Variants in NLRP3 observed in about 807,000 individuals in gnomAD.
The protein encoded by NLRP3 is NLR family pyrin domain containing 3.
Under a neutral mutation model 91.3 loss-of-function variants are expected in NLRP3, and 48 were observed. The observed-to-expected ratio is 0.53, with a 90% confidence interval of 0.42 to 0.67. The LOEUF is 0.67. NLRP3 is among the 30% of genes least tolerant of loss of function. The probability of loss-of-function intolerance (pLI) is 0.00; values close to 1 mark genes in which losing one functional copy is unlikely to be tolerated. For synonymous variants in NLRP3, 561 were observed against 507.9 expected (o/e 1.10, Z -1.41); for missense variants, 982 against 1,276.9 (o/e 0.77, Z 3.52).
chr1:247,437,052 G>A (rs933844895), intron 7 of NLRP3, among the ~76,000 whole-genome samples: 7 of 152,214 alleles, frequency 4.6e-5, no homozygotes, highest in Non-Finnish European at 8.8e-5. Flanking sequence ...GTAGACAAAC[G>A]TCTGTGACCT....
chr1:247,424,741 C>T lies in NLRP3; in HGVS notation c.1292C>T (p.Ala431Val). The change falls in exon 4 of 10, where the codon GCC becomes GTC. Residue 431 changes from alanine to valine, a missense_variant. Around this residue, in one of 5 missense-constraint regions of NLRP3, gnomAD observed 548 missense variants for 713.7 expected, o/e 0.77. Transcript: ENST00000336119. The surrounding 1 kb of genome is among the most constrained non-coding windows in gnomAD (Gnocchi z 8.1). ...CAGATGGAGAGTGGCAAGAGCCTTGCCCAGACATCCAAGACCACCACCGCG... is the reference window on the plus strand; with the variant it reads ...CAGATGGAGAGTGGCAAGAGCCTTGTCCAGACATCCAAGACCACCACCGCG... ...KQQMESGKSLAQTSKTTTAVY... is the reference protein window; with the variant it reads ...KQQMESGKSLVQTSKTTTAVY... 6.2e-7 allele frequency: 1 copy of T among 1,613,766 alleles called. No individual in the cohort carries two copies. The highest frequency in any genetic ancestry group is 8.5e-7 in the Non-Finnish European group (1 of 1,180,032).
At chr1:247,429,411 A>G (rs1663146119) in intron 4 of NLRP3, among the ~76,000 whole-genome samples, 174 bp from the exon 5 acceptor site, 1 of 152,108 alleles carries the variant, frequency 6.6e-6, no homozygotes, top group Non-Finnish European at 1.5e-5. Context: ...TGCTTTTACC[A>G]AGGCTCATCC....
chr1:247,429,797 A>G lies in NLRP3; in HGVS notation c.2321+42A>G, dbSNP rs116154079. The G allele has an allele frequency of 1.4e-3, 2,259 of 1,605,014 alleles. 30 individuals are homozygous for G. In the African/African-American group the frequency reaches 0.027, roughly 19 times the overall value. ...GTGATCTGTGTGAGTGCAAGTTCAT[A>G]TGAGAGAGAGAGAGAGAAACAGACT... On this transcript the variant is annotated intron_variant, in intron 5 of 9. Coordinates refer to ENST00000336119, the MANE Select transcript of NLRP3 (RefSeq NM_001243133.2).
Position 247,444,793 on chromosome 1 carries a change from C to T in NLRP3, c.2977C>T (p.Gln993Ter). 1 of 1,614,040 alleles carries T rather than the reference C, an allele frequency of 6.2e-7. No individual in the cohort carries two copies. The highest frequency in any genetic ancestry group is 8.5e-7 in the Non-Finnish European group (1 of 1,179,996). Reference sequence around the variant, plus strand: ...CATGATGTTCTGTGAAGTGCTGAAACAGCAGAGCTGCCTCCTGCAGAACCT... The same window carrying T: ...CATGATGTTCTGTGAAGTGCTGAAATAGCAGAGCTGCCTCCTGCAGAACCT... ...GVMMFCEVLKQQSCLLQNLGL... is the reference protein window; with the variant it reads ...GVMMFCEVLK The change falls in exon 9 of 10, where the codon CAG becomes TAG. Residue 993 changes from glutamine to a stop codon, truncating the protein, a stop_gained. Coordinates refer to ENST00000336119, the MANE Select transcript of NLRP3 (RefSeq NM_001243133.2). LOFTEE classifies it low-confidence loss of function (END_TRUNC).
chr1:247,418,830 G>A lies in NLRP3; in HGVS notation c.30G>A (p.Arg10=). MASTRCKLA[R]YLEDLEDVDL... is the part of the protein sequence containing the mutation. ...CAAGCACCCGCTGCAAGCTGGCCAG[G>A]TACCTGGAGGACCTGGAGGATGTGG... is the stretch of plus-strand genomic sequence containing the variant. The change falls in exon 2 of 10, where the codon AGG becomes AGA. Residue 10 remains arginine, a synonymous_variant. Coordinates refer to ENST00000336119, the MANE Select transcript of NLRP3 (RefSeq NM_001243133.2). The A allele has an allele frequency of 6.2e-7, 1 of 1,614,110 alleles. No homozygotes were observed. Among genetic ancestry groups the A allele is most frequent in the South Asian group, 1.1e-5 (1 of 91,082 alleles).
At position 247,429,596 on chromosome 1, in the gene NLRP3, G is replaced by A. The variant is rs1381740580; in HGVS notation, c.2162G>A (p.Ser721Asn). ...HAACSHGLVN[S>N]HLTSSFCRGL... Reference sequence around the variant, plus strand: ...CTTCTAATTCCTAGATTGGTGAACAGCCACCTCACTTCCAGTTTTTGCCGG... The same window carrying A: ...CTTCTAATTCCTAGATTGGTGAACAACCACCTCACTTCCAGTTTTTGCCGG... The change falls in exon 5 of 10, where the codon AGC (serine) becomes AAC (asparagine). Residue 721 changes from serine (S) to asparagine (N), a missense_variant. This residue lies in a region of NLRP3 where 373 missense variants were observed against 431.5 expected (regional missense o/e 0.86). Transcript: ENST00000336119. 1 of 1,614,064 alleles carries A rather than the reference G, an allele frequency of 6.2e-7. No individual in the cohort carries two copies. Among genetic ancestry groups the A allele is most frequent in the African/African-American group, 1.3e-5 (1 of 74,924 alleles).
chr1:247,446,604 C>T (rs74154647), intron 9 of NLRP3, among the ~76,000 whole-genome samples: 4,694 of 152,276 alleles, frequency 0.031, 268 homozygotes, highest in African/African-American at 0.11. Context: ...GCATTATTCC[C>T]TGTACCTTCC....
At chr1:247,434,353 C>A in intron 6 of NLRP3, 80 bp downstream of exon 6, 1 of 1,497,100 alleles carries the variant, frequency 6.7e-7, no homozygotes, top group Non-Finnish European at 9.2e-7. Context: ...GCCCGGTGGG[C>A]TGGGGTTTGA....
Position 247,444,908 on chromosome 1 carries a change from C to A in NLRP3, c.3005+87C>A, listed in dbSNP as rs950775743. 9.9e-6 allele frequency: 14 copies of A among 1,409,730 alleles called. No homozygotes were observed. In the African/African-American group the frequency reaches 1.4e-4, roughly 14 times the overall value. 87.3% of individuals were successfully genotyped at this position (1,409,730 alleles called of 1,614,324 possible). ...TTATCAAAATCCAGGATGGCTCTCG[C>A]TTCATTTGCAGCCACTCAAGATTAG... On this transcript the variant is annotated intron_variant, in intron 9 of 9. Transcript: ENST00000336119.
At chr1:247,447,938 C>T (rs1664694021) in intron 9 of NLRP3, among the ~76,000 whole-genome samples, 1 of 151,624 alleles carries the variant, frequency 6.6e-6, no homozygotes, top group South Asian at 2.1e-4. Context: ...ATTTTCTATA[C>T]TTTTATGTAT....
chr1:247,429,869 T>C, intron 5 of NLRP3, 114 bp downstream of exon 5: 1 of 1,364,414 alleles, frequency 7.3e-7, no homozygotes. Flanking sequence ...TTCTTTCTTT[T>C]CTTTTTCTTT....
intron 7 of NLRP3, among the ~76,000 whole-genome samples, chr1:247,441,758 A>G (rs1211222115): frequency 1.3e-5 from 2 of 152,186 alleles, no homozygotes; most frequent in South Asian, 2.1e-4. Context: ...TGTTCAGTGT[A>G]ACCGTTGCTT....
In NLRP3 at chr1:247,418,711, T is replaced by C. The variant is rs200937726; in HGVS notation, c.-90T>C. The C allele has an allele frequency of 2.0e-6, 3 of 1,509,788 alleles. No homozygotes were observed. In the South Asian group the frequency reaches 3.4e-5, roughly 17 times the overall value. The allele number at this position is 1,509,788 out of a possible 1,614,324, so 93.5% of individuals were successfully genotyped here. A position where few individuals can be genotyped will look rare whatever the true frequency, so the allele number is the denominator to read the frequency against. On this transcript the variant is annotated 5_prime_UTR_variant, in exon 2 of 10. Coordinates refer to ENST00000336119, the MANE Select transcript of NLRP3 (RefSeq NM_001243133.2). ...TTTATATCTCTCAAAGTGGAGACTT[T>C]AAAAAAGACTCATCCGTGTGCCGTG...
At chr1:247,432,629 G>T (rs1192045944) in intron 5 of NLRP3, among the ~76,000 whole-genome samples, 1 of 152,150 alleles carries the variant, frequency 6.6e-6, no homozygotes, top group African/African-American at 2.4e-5. Flanking sequence ...ACACAAACAG[G>T]GAAGGGTAGG....
chr1:247,437,607 TC>T (rs1663887441), intron 7 of NLRP3, among the ~76,000 whole-genome samples: 1 of 152,252 alleles, frequency 6.6e-6, no homozygotes, highest in Non-Finnish European at 1.5e-5. Flanking sequence ...CATGATTTTG[TC>T]CCTTCATTTT....
intron 2 of NLRP3, among the ~76,000 whole-genome samples, chr1:247,420,068 C>A (rs1227897730): frequency 6.6e-6 from 1 of 152,152 alleles, no homozygotes; most frequent in Non-Finnish European, 1.5e-5. Flanking sequence ...CCTAAGAACA[C>A]GTTATTTTTA....
At position 247,429,800 on chromosome 1, in the gene NLRP3, A is replaced by T. The variant is rs1267845916; in HGVS notation, c.2321+45A>T. On this transcript the variant is annotated intron_variant, in intron 5 of 9. Coordinates refer to ENST00000336119, the MANE Select transcript of NLRP3 (RefSeq NM_001243133.2). Reference sequence around the variant, plus strand: ...ATCTGTGTGAGTGCAAGTTCATATGAGAGAGAGAGAGAGAAACAGACTGGA... The same window carrying T: ...ATCTGTGTGAGTGCAAGTTCATATGTGAGAGAGAGAGAGAAACAGACTGGA... 4 of 1,302,234 alleles carry T rather than the reference A, an allele frequency of 3.1e-6. No homozygotes were observed. The African/African-American group carries it at 5.9e-5, about 19-fold the overall frequency. The allele number at this position is 1,302,234 out of a possible 1,614,324, so 80.7% of individuals were successfully genotyped here.
chr1:247,420,373 TGG>T (rs1662368449), intron 2 of NLRP3, among the ~76,000 whole-genome samples: 1 of 152,188 alleles, frequency 6.6e-6, no homozygotes, highest in African/African-American at 2.4e-5. Context: ...TCTTTTCATT[TGG>T]TTAACTGTGT....
At chr1:247,421,185 A>T (rs995875946) in intron 2 of NLRP3, among the ~76,000 whole-genome samples, 1 of 152,194 alleles carries the variant, frequency 6.6e-6, no homozygotes, top group Non-Finnish European at 1.5e-5. Context: ...AGGGCAGGGT[A>T]TTGCAGGATG....
Sources: allele counts gnomAD v4.1 joint callset (sites outside exome capture counted in the v4.1 genomes callset), GRCh38; gene constraint gnomAD v4.1.1; regional missense constraint gnomAD v4.1.1; non-coding constraint Gnocchi (gnomAD v3.1); transcripts MANE v1.5; gene names NCBI Gene and HGNC (gene_info 2026-07-23, HGNC 2026-07-21).